Variants in L3MBTL3 observed in about 807,000 individuals in gnomAD.
The protein encoded by L3MBTL3 is L3MBTL histone methyl-lysine binding protein 3.
A neutral mutation model predicts 102.3 loss-of-function variants in L3MBTL3; 27 were observed. That is an observed-to-expected ratio of 0.26 (90% CI 0.19 to 0.36). L3MBTL3 has a LOEUF of 0.36. Among genes scored for constraint, L3MBTL3 ranks in the 10% least tolerant of loss-of-function variants. The probability of loss-of-function intolerance (pLI) is 1.00; values close to 1 mark genes in which losing one functional copy is unlikely to be tolerated. For missense variants in L3MBTL3, 798 were observed against 955.3 expected, an observed-to-expected ratio of 0.84 and a Z score of 2.17; for synonymous variants, 340 against 320.9, an observed-to-expected ratio of 1.06 and a Z score of -0.64.
At chr6:130,075,597 G>A (rs1782900513) in intron 13 of L3MBTL3, among the ~76,000 whole-genome samples, 2 of 152,156 alleles carry the variant, frequency 1.3e-5, no homozygotes, top group East Asian at 3.8e-4. Context: ...AGAGTGATAA[G>A]GGATATTAAG....
At position 130,133,587 on chromosome 6, in the gene L3MBTL3, C is replaced by G. The variant is rs746106619; in HGVS notation, c.2102C>G (p.Pro701Arg). 1.2e-6 allele frequency: 2 copies of G among 1,613,982 alleles called. No homozygotes were observed. Among genetic ancestry groups the G allele is most frequent in the Non-Finnish European group, 8.5e-7 (1 of 1,179,994 alleles). The change falls in exon 21 of 23, where the codon CCT (proline) becomes CGT (arginine). Residue 701 changes from proline to arginine, a missense_variant. By Grantham distance (103) the Pro-to-Arg change is moderately radical (BLOSUM62 -2). Coordinates refer to ENST00000361794, the MANE Select transcript of L3MBTL3 (RefSeq NM_032438.4). This position sits in a 1 kb window ranked among gnomAD's most constrained non-coding sequence, Gnocchi z 4.9. ...SKLLPTVAGI[P>R]ASKVSKWSTD... ...CTTCTTCCAACTGTCGCAGGAATCC[C>G]TGCCAGTAAAGTTTCCAAATGGAGC...
chr6:130,059,256 A>G (rs1781734299), intron 9 of L3MBTL3, among the ~76,000 whole-genome samples: 1 of 152,212 alleles, frequency 6.6e-6, no homozygotes, highest in Admixed American at 6.5e-5. Flanking sequence ...TTCCTGGAAA[A>G]TTATATGTTC....
intron 13 of L3MBTL3, among the ~76,000 whole-genome samples, chr6:130,071,649 T>G (rs1248714337): frequency 6.6e-6 from 1 of 152,090 alleles, no homozygotes; most frequent in African/African-American, 2.4e-5. Context: ...TTGCTGTAAT[T>G]CAGTTTCCTA....
At chr6:130,039,152 G>A (rs529293625) in intron 2 of L3MBTL3, among the ~76,000 whole-genome samples, 3 of 152,104 alleles carry the variant, frequency 2.0e-5, no homozygotes, top group East Asian at 1.9e-4. Flanking sequence ...CCCTTCACAC[G>A]TCTTGACAAT....
intron 10 of L3MBTL3, among the ~76,000 whole-genome samples, chr6:130,060,942 G>A (rs760573496): frequency 6.6e-6 from 1 of 151,924 alleles, no homozygotes; most frequent in Non-Finnish European, 1.5e-5. Flanking sequence ...TAATTACCTT[G>A]TGAACTTGTA....
At chr6:130,110,889 T>C (rs1228500910) in intron 19 of L3MBTL3, among the ~76,000 whole-genome samples, 1 of 152,216 alleles carries the variant, frequency 6.6e-6, no homozygotes. Context: ...TTTTCTTTGC[T>C]ATTCTTAAGT....
intron 10 of L3MBTL3, among the ~76,000 whole-genome samples, chr6:130,063,206 G>A (rs1022260661): frequency 6.6e-6 from 1 of 152,164 alleles, no homozygotes; most frequent in Non-Finnish European, 1.5e-5. Flanking sequence ...GCAGGAAGAA[G>A]TAGGGCTCGT....
intron 20 of L3MBTL3, among the ~76,000 whole-genome samples, chr6:130,123,188 A>G (rs1419705985): frequency 2.0e-5 from 3 of 152,158 alleles, no homozygotes; most frequent in Admixed American, 6.5e-5. Context: ...TTATTAACAT[A>G]CACTATGCAT....
At chr6:130,035,983 TGTG>T (rs1780032821) in intron 2 of L3MBTL3, among the ~76,000 whole-genome samples, 1 of 350 alleles carries the variant, frequency 2.9e-3, no homozygotes, top group African/African-American at 0.015. Flanking sequence ...ACCTGTTTTG[TGTG>T]TGTGTGTGTG....
In L3MBTL3 at chr6:130,080,787, A is replaced by G. The variant is rs534661072; in HGVS notation, c.1321+2153A>G. The stretch of plus-strand genomic sequence containing the variant: ...TAGTAAAAATGGTAAATTTTATGTT[A>G]TGTATATTTTGCCACTATTAAAAAA... On this transcript the variant is annotated intron_variant, in intron 14 of 22. Coordinates refer to ENST00000361794, the MANE Select transcript of L3MBTL3 (RefSeq NM_032438.4). 9.8e-5 allele frequency among the ~76,000 whole-genome samples: 15 copies of G among 152,374 alleles called. No homozygotes were observed. In the South Asian group the frequency reaches 2.7e-3, roughly 27 times the overall value.
intron 1 of L3MBTL3, chr6:130,019,284 C>G (rs1428687793): frequency 1.4e-5 from 2 of 140,232 alleles, no homozygotes; most frequent in Non-Finnish European, 3.1e-5. Context: ...AGGCGGCGAG[C>G]GCGGCCGCCG....
At chr6:130,083,821 C>A in intron 15 of L3MBTL3, 116 bp downstream of exon 15, 1 of 475,162 alleles carries the variant, frequency 2.1e-6, no homozygotes, top group Non-Finnish European at 3.8e-6. Flanking sequence ...AAATAGAGCA[C>A]CAAATAAGAT....
At chr6:130,087,815 T>A (rs183443749) in intron 16 of L3MBTL3, among the ~76,000 whole-genome samples, 101 of 152,270 alleles carry the variant, frequency 6.6e-4, no homozygotes, top group African/African-American at 2.2e-3. Context: ...AAATTCAGGT[T>A]TACATTATGT....
intron 20 of L3MBTL3, among the ~76,000 whole-genome samples, chr6:130,125,131 G>A (rs373921057): frequency 3.9e-5 from 6 of 152,226 alleles, no homozygotes; most frequent in Admixed American, 2.6e-4. Context: ...GTCCCACAAG[G>A]GACTGACTAC....
intron 9 of L3MBTL3, 41 bp from the exon 10 acceptor site, chr6:130,059,995 T>C (rs1472690319): frequency 9.1e-7 from 1 of 1,097,526 alleles, no homozygotes; most frequent in Admixed American, 1.8e-5. Context: ...AAATAGGGCT[T>C]TGGGATAAGG....
chr6:130,052,946 G>C lies in L3MBTL3; in HGVS notation c.537G>C (p.Leu179=), dbSNP rs565477767. 1 of 1,613,740 alleles carries C rather than the reference G, an allele frequency of 6.2e-7. No homozygotes were observed. Among genetic ancestry groups the C allele is most frequent in the African/African-American group, 1.3e-5 (1 of 74,916 alleles). ...GGAAGAAAAAACCAAAATTATCTCTGAAAGCTGACACCAAGGAGGATGGAG... is the reference window on the plus strand; with the variant it reads ...GGAAGAAAAAACCAAAATTATCTCTCAAAGCTGACACCAAGGAGGATGGAG... ...CSRKKKPKLS[L]KADTKEDGEE... The change falls in exon 7 of 23, where the codon CTG becomes CTC. Residue 179 remains leucine, a synonymous_variant. Coordinates refer to ENST00000361794, the MANE Select transcript of L3MBTL3 (RefSeq NM_032438.4).
At chr6:130,123,356 T>C (rs954692967) in intron 20 of L3MBTL3, among the ~76,000 whole-genome samples, 40 of 152,160 alleles carry the variant, frequency 2.6e-4, no homozygotes, top group Non-Finnish European at 3.4e-4. Flanking sequence ...TTTCAAGTCA[T>C]TTATTTTTAT....
chr6:130,051,824 T>C (rs1781115080), intron 6 of L3MBTL3, among the ~76,000 whole-genome samples: 1 of 152,232 alleles, frequency 6.6e-6, no homozygotes, highest in African/African-American at 2.4e-5. Context: ...CTTCCACTGA[T>C]TCGTAATCAG....
At chr6:130,051,460 A>T (rs889770295) in intron 6 of L3MBTL3, 52 bp downstream of exon 6, 26 of 1,479,192 alleles carry the variant, frequency 1.8e-5, no homozygotes, top group Non-Finnish European at 2.4e-5. Context: ...TTCCAAAGTC[A>T]TGGTGCCTGA....
Sources: allele counts gnomAD v4.1 joint callset (sites outside exome capture counted in the v4.1 genomes callset), GRCh38; gene constraint gnomAD v4.1.1; non-coding constraint Gnocchi (gnomAD v3.1); transcripts MANE v1.5; gene names NCBI Gene and HGNC (gene_info 2026-07-23, HGNC 2026-07-21).